DOCK4: variants seen among roughly 807,000 people sequenced by gnomAD.
DOCK4 encodes the protein dedicator of cytokinesis protein 4.
A neutral mutation model predicts 268.1 loss-of-function variants in DOCK4; 97 were observed. That is an observed-to-expected ratio of 0.36 (90% CI 0.31 to 0.43). The LOEUF (loss-of-function observed/expected upper bound fraction) is 0.43, where lower values mean the gene tolerates loss of function less well. Among genes scored for constraint, DOCK4 ranks in the 20% least tolerant of loss-of-function variants. DOCK4 has a pLI of 1.00. For synonymous variants in DOCK4, 954 were observed against 887.2 expected (o/e 1.08, Z -1.34); for missense variants, 2,145 against 2,455.7 (o/e 0.87, Z 2.67).
chr7:112,092,658 C>T (rs1437541157), intron 1 of DOCK4, among the ~76,000 whole-genome samples: 6 of 152,238 alleles, frequency 3.9e-5, no homozygotes, highest in South Asian at 2.1e-4. Context: ...TATTACAGTG[C>T]GAAACAGCCA....
chr7:111,759,973 G>C (rs145346686), intron 40 of DOCK4, among the ~76,000 whole-genome samples: 2 of 152,286 alleles, frequency 1.3e-5, no homozygotes, highest in Non-Finnish European at 2.9e-5. Context: ...TTTCAAGAGA[G>C]TTCTTTCAAC....
At chr7:111,750,435 G>A (rs1173569567) in intron 42 of DOCK4, among the ~76,000 whole-genome samples, 1 of 152,186 alleles carries the variant, frequency 6.6e-6, no homozygotes, top group East Asian at 1.9e-4. Flanking sequence ...ATTACAGAAT[G>A]TCCCTGAGAA....
intron 11 of DOCK4, among the ~76,000 whole-genome samples, chr7:111,939,335 G>A (rs1795012169): frequency 2.0e-5 from 3 of 151,610 alleles, no homozygotes; most frequent in Non-Finnish European, 4.4e-5. Context: ...CTAACACGGT[G>A]AAACCCCGTC....
chr7:111,733,537 C>T (rs1045227924), intron 51 of DOCK4, among the ~76,000 whole-genome samples: 7 of 152,186 alleles, frequency 4.6e-5, no homozygotes, highest in Non-Finnish European at 8.8e-5. Flanking sequence ...CTGATCCTGA[C>T]GGAGAACTAT....
chr7:112,023,722 G>A, intron 1 of DOCK4: 1 of 408,302 alleles, frequency 2.4e-6, no homozygotes, highest in Non-Finnish European at 4.9e-6. Context: ...CCTGAAAGGG[G>A]GTGCATACCT....
intron 20 of DOCK4, among the ~76,000 whole-genome samples, chr7:111,870,914 G>A (rs1304956264): frequency 6.6e-6 from 1 of 152,178 alleles, no homozygotes; most frequent in Non-Finnish European, 1.5e-5. Flanking sequence ...CAAATTGTTA[G>A]GCTGAGTGGG....
At chr7:111,959,290 G>C (rs555527105) in intron 8 of DOCK4, among the ~76,000 whole-genome samples, 1 of 152,256 alleles carries the variant, frequency 6.6e-6, no homozygotes, top group Admixed American at 6.5e-5. Context: ...CTCAAACAAA[G>C]TTGTACTCCC....
chr7:111,853,086 C>A (rs1167921802), intron 23 of DOCK4, among the ~76,000 whole-genome samples: 1 of 152,134 alleles, frequency 6.6e-6, no homozygotes, highest in South Asian at 2.1e-4. Context: ...GATATACAGC[C>A]AGCTCCCATC....
chr7:111,826,192 C>T (rs1348099510), intron 26 of DOCK4, among the ~76,000 whole-genome samples: 1 of 152,138 alleles, frequency 6.6e-6, no homozygotes, highest in Non-Finnish European at 1.5e-5. Context: ...AGGTATTCCA[C>T]ACAGAGGGAA....
intron 12 of DOCK4, among the ~76,000 whole-genome samples, chr7:111,930,847 G>C (rs1794141318): frequency 1.3e-5 from 2 of 152,206 alleles, no homozygotes; most frequent in South Asian, 4.1e-4. Flanking sequence ...AGGGGATACA[G>C]AACAATGATC....
At chr7:111,742,615 C>T (rs767558943) in intron 44 of DOCK4, among the ~76,000 whole-genome samples, 7 of 152,194 alleles carry the variant, frequency 4.6e-5, no homozygotes, top group Non-Finnish European at 1.0e-4. Context: ...CTCCCACAGA[C>T]TTTCAGAATC....
intron 27 of DOCK4, among the ~76,000 whole-genome samples, chr7:111,819,113 A>G (rs1219991417): frequency 2.6e-5 from 4 of 152,208 alleles, no homozygotes; most frequent in Non-Finnish European, 4.4e-5. Flanking sequence ...TGGTTAGTGC[A>G]TGATATGTTT....
At chr7:112,195,941 G>C (rs1187453469) in intron 1 of DOCK4, among the ~76,000 whole-genome samples, 1 of 152,142 alleles carries the variant, frequency 6.6e-6, no homozygotes, top group Non-Finnish European at 1.5e-5. Context: ...TGGGGGAGGA[G>C]AACAAATACA....
intron 16 of DOCK4, among the ~76,000 whole-genome samples, chr7:111,892,853 T>C (rs1482228233): frequency 5.3e-5 from 8 of 152,222 alleles, no homozygotes; most frequent in African/African-American, 1.9e-4. Context: ...ATAAAAGTTG[T>C]TATACTTGGC....
At position 111,728,195 on chromosome 7, in the gene DOCK4, C is replaced by G. The variant is rs1381935132; in HGVS notation, c.*79G>C. 3 of 1,128,846 alleles carry G rather than the reference C, an allele frequency of 2.7e-6. No individual in the cohort carries two copies. Among genetic ancestry groups the G allele is most frequent in the Non-Finnish European group, 3.5e-6 (3 of 855,868 alleles). The allele number at this position is 1,128,846 out of a possible 1,614,324, so 69.9% of individuals were successfully genotyped here. A position where few individuals can be genotyped will look rare whatever the true frequency, so the allele number is the denominator to read the frequency against. On this transcript the variant is annotated 3_prime_UTR_variant, in exon 53 of 53. Coordinates refer to ENST00000428084, the MANE Select transcript of DOCK4 (RefSeq NM_001363540.2). ...GGAGCTGAGTAAGTTATTAAAGTGCCTACACTAAATGTCTTCTCATCATAC... is the reference window on the plus strand; with the variant it reads ...GGAGCTGAGTAAGTTATTAAAGTGCGTACACTAAATGTCTTCTCATCATAC...
intron 1 of DOCK4, among the ~76,000 whole-genome samples, chr7:112,122,029 T>C (rs998857142): frequency 5.3e-5 from 8 of 152,238 alleles, no homozygotes; most frequent in Non-Finnish European, 1.2e-4. Flanking sequence ...GATAATATTT[T>C]CCACATTTAA....
At chr7:111,841,586 T>A (rs995033360) in intron 25 of DOCK4, among the ~76,000 whole-genome samples, 2 of 151,612 alleles carry the variant, frequency 1.3e-5, no homozygotes, top group African/African-American at 4.9e-5. Flanking sequence ...AAAAAAAAAG[T>A]CTTAAAGCAT....
At chr7:111,786,993 CTA>C (rs1299665407) in intron 32 of DOCK4, among the ~76,000 whole-genome samples, 4 of 152,054 alleles carry the variant, frequency 2.6e-5, no homozygotes, top group Non-Finnish European at 4.4e-5. Context: ...ATAAAAATCT[CTA>C]TTGAATGAAT....
intron 1 of DOCK4, among the ~76,000 whole-genome samples, chr7:112,070,572 T>A (rs984287840): frequency 6.6e-6 from 1 of 152,108 alleles, no homozygotes; most frequent in South Asian, 2.1e-4. Flanking sequence ...AGTAGTTGAA[T>A]ATTTAGGTTC....
Sources: allele counts gnomAD v4.1 joint callset (sites outside exome capture counted in the v4.1 genomes callset), GRCh38; gene constraint gnomAD v4.1.1; transcripts MANE v1.5; gene names NCBI Gene and HGNC (gene_info 2026-07-23, HGNC 2026-07-21).